Variants in SOS1 observed in about 807,000 individuals in gnomAD.
SOS1 encodes the protein SOS Ras/Rac guanine nucleotide exchange factor 1, also known as son of sevenless homolog 1.
A neutral mutation model predicts 157.6 loss-of-function variants in SOS1; 25 were observed. The ratio of observed to expected loss-of-function variants is 0.16; its 90% CI spans 0.12 to 0.22. The LOEUF is 0.22. Among genes scored for constraint, SOS1 ranks in the 10% least tolerant of loss-of-function variants. SOS1 has a pLI of 1.00. For synonymous variants in SOS1, 528 were observed against 534.0 expected, an observed-to-expected ratio of 0.99 and a Z score of 0.16; for missense variants, 1,237 against 1,599.1, an observed-to-expected ratio of 0.77 and a Z score of 3.86.
chr2:39,074,290 C>T (rs1159367499), intron 1 of SOS1, among the ~76,000 whole-genome samples: 4 of 145,786 alleles, frequency 2.7e-5, no homozygotes, highest in African/African-American at 1.0e-4. Flanking sequence ...GCAGAGGCTG[C>T]AGTGAGCTGA....
intron 17 of SOS1, among the ~76,000 whole-genome samples, chr2:39,005,241 G>A (rs535017896): frequency 2.6e-5 from 4 of 152,166 alleles, no homozygotes; most frequent in Non-Finnish European, 4.4e-5. Flanking sequence ...GACCAAAGCT[G>A]ACCATGGATA....
At chr2:39,071,051 A>G (rs1671776124) in intron 1 of SOS1, among the ~76,000 whole-genome samples, 1 of 152,060 alleles carries the variant, frequency 6.6e-6, no homozygotes, top group Admixed American at 6.6e-5. Flanking sequence ...TATTTTTAGT[A>G]GAGACCGGGT....
chr2:39,095,105 G>A (rs962767962), intron 1 of SOS1, among the ~76,000 whole-genome samples: 1 of 152,174 alleles, frequency 6.6e-6, no homozygotes, highest in African/African-American at 2.4e-5. Context: ...TAGACTGAAT[G>A]AAGTTTAAAA....
At chr2:39,101,382 T>G (rs954194329) in intron 1 of SOS1, among the ~76,000 whole-genome samples, 1 of 152,064 alleles carries the variant, frequency 6.6e-6, no homozygotes, top group African/African-American at 2.4e-5. Context: ...AACATGAAAT[T>G]TGGAGGGGTC....
intron 14 of SOS1, among the ~76,000 whole-genome samples, chr2:39,011,822 A>G (rs548630602): frequency 6.6e-6 from 1 of 152,302 alleles, no homozygotes; most frequent in East Asian, 1.9e-4. Flanking sequence ...GAGGAAAATA[A>G]GGGGCAGAAG....
At chr2:39,095,390 T>C (rs1452115618) in intron 1 of SOS1, among the ~76,000 whole-genome samples, 1 of 152,142 alleles carries the variant, frequency 6.6e-6, no homozygotes, top group African/African-American at 2.4e-5. Context: ...AGACACACTA[T>C]GATTAAGCTA....
chr2:39,027,543 A>G (rs1011565267), intron 8 of SOS1, among the ~76,000 whole-genome samples: 24 of 152,210 alleles, frequency 1.6e-4, no homozygotes, highest in African/African-American at 5.5e-4. Context: ...CACTGGTGCA[A>G]TATAATTCAA....
chr2:38,985,715 T>A lies in SOS1; in HGVS notation c.*109A>T. The A allele has an allele frequency of 1.7e-6, 2 of 1,182,898 alleles. No individual in the cohort carries two copies. The highest frequency in any genetic ancestry group is 2.5e-6 in the Non-Finnish European group (2 of 790,056). The allele number at this position is 1,182,898 out of a possible 1,614,324, so 73.3% of individuals were successfully genotyped here. A position where few individuals can be genotyped will look rare whatever the true frequency, so the allele number is the denominator to read the frequency against. The stretch of plus-strand genomic sequence containing the variant: ...TATACTGCATCTTGAAGAAGAGTCG[T>A]TAGTGTTTGGAGTTCTCATTTTAAC... On this transcript the variant is annotated 3_prime_UTR_variant, in exon 23 of 23. Coordinates refer to ENST00000402219, the MANE Select transcript of SOS1 (RefSeq NM_005633.4).
chr2:39,021,505 C>G lies in SOS1; in HGVS notation c.1858+1065G>C, dbSNP rs76797795. 4.6e-5 allele frequency among the ~76,000 whole-genome samples: 6 copies of G among 129,860 alleles called. 1 individual carries two copies. Among genetic ancestry groups the G allele is most frequent in the Admixed American group, 8.8e-5 (1 of 11,414 alleles). The allele number at this position is 129,860 out of a possible 152,430, so 85.2% of individuals were successfully genotyped here. ...GTGACAGTAAACACTAGTAGTAAGT[C>G]TTCTTACAATGCTCTACAGGAAAAA... On this transcript the variant is annotated intron_variant, in intron 10 of 22. Transcript: ENST00000402219.
At chr2:39,098,522 G>C (rs1349623290) in intron 1 of SOS1, 2 of 152,242 alleles carry the variant, frequency 1.3e-5, no homozygotes, top group Non-Finnish European at 2.9e-5. Context: ...ATATCTATAA[G>C]AAGACTTCAC....
intron 1 of SOS1, among the ~76,000 whole-genome samples, chr2:39,086,388 G>A (rs140694419): frequency 4.3e-4 from 65 of 152,296 alleles, no homozygotes; most frequent in Middle Eastern, 3.4e-3. Flanking sequence ...TGTAAGATGA[G>A]CAGATGTTTT....
intron 1 of SOS1, among the ~76,000 whole-genome samples, chr2:39,116,284 T>G (rs914741656): frequency 8.5e-5 from 13 of 152,154 alleles, no homozygotes; most frequent in Non-Finnish European, 1.5e-4. Context: ...CTAAAGACAA[T>G]CAAGTCAGAA....
chr2:39,044,605 T>G lies in SOS1; in HGVS notation c.864+6539A>C, dbSNP rs554458255. Among the ~76,000 whole-genome samples, 4 of 152,328 alleles carry G rather than the reference T, an allele frequency of 2.6e-5. No homozygotes were observed. In the South Asian group the frequency reaches 8.3e-4, roughly 32 times the overall value. Reference sequence around the variant, plus strand: ...GCTGACCTTTGAACAACCCGTGGGTTAGACCTGCATAGATCCACTTATATG... The same window carrying G: ...GCTGACCTTTGAACAACCCGTGGGTGAGACCTGCATAGATCCACTTATATG... On this transcript the variant is annotated intron_variant, in intron 6 of 22. Coordinates refer to ENST00000402219, the MANE Select transcript of SOS1 (RefSeq NM_005633.4).
intron 1 of SOS1, among the ~76,000 whole-genome samples, chr2:39,108,914 A>C (rs886601890): frequency 2.6e-5 from 4 of 151,744 alleles, no homozygotes; most frequent in Non-Finnish European, 5.9e-5. Flanking sequence ...AAAAAATTAT[A>C]TGGGCTGGGT....
chr2:39,067,829 G>A, intron 1 of SOS1, 76 bp from the exon 2 acceptor site: 1 of 1,405,744 alleles, frequency 7.1e-7, no homozygotes, highest in South Asian at 1.2e-5. Flanking sequence ...TAAAAAATGT[G>A]GGTTTGTGGC....
intron 1 of SOS1, among the ~76,000 whole-genome samples, chr2:39,101,345 A>C (rs1672960137): frequency 6.6e-6 from 1 of 152,188 alleles, no homozygotes; most frequent in Non-Finnish European, 1.5e-5. Context: ...TAACACTGAG[A>C]CGTGAGATTG....
intron 1 of SOS1, among the ~76,000 whole-genome samples, chr2:39,083,935 T>C (rs1382736934): frequency 6.6e-6 from 1 of 152,102 alleles, no homozygotes; most frequent in Non-Finnish European, 1.5e-5. Context: ...TGAGATAAAG[T>C]CTTTAAAGAG....
At chr2:39,050,225 G>A (rs1670958021) in intron 6 of SOS1, among the ~76,000 whole-genome samples, 1 of 152,134 alleles carries the variant, frequency 6.6e-6, no homozygotes, top group Non-Finnish European at 1.5e-5. Flanking sequence ...CACAGCAAAT[G>A]CTAGAAACCT....
At chr2:39,013,312 T>C (rs1669527521) in intron 13 of SOS1, 148 bp downstream of exon 13, 2 of 642,872 alleles carry the variant, frequency 3.1e-6, no homozygotes, top group Non-Finnish European at 5.6e-6. Context: ...TAAATGCTAT[T>C]TGATGAAAAT....
Sources: allele counts gnomAD v4.1 joint callset (sites outside exome capture counted in the v4.1 genomes callset), GRCh38; gene constraint gnomAD v4.1.1; transcripts MANE v1.5; gene names NCBI Gene and HGNC (gene_info 2026-07-23, HGNC 2026-07-21).